PGPEP1L: variants seen among roughly 807,000 people sequenced by gnomAD.
PGPEP1L encodes pyroglutamyl-peptidase I like.
Under a neutral mutation model 6.0 loss-of-function variants are expected in PGPEP1L, and 7 were observed. The ratio of observed to expected loss-of-function variants is 1.17; its 90% CI spans 0.66 to 2.19. The LOEUF is 2.19. Among genes scored for constraint, PGPEP1L ranks in the 30% most tolerant of loss-of-function variants. The probability of loss-of-function intolerance (pLI) is 0.00; values close to 1 mark genes in which losing one functional copy is unlikely to be tolerated. For synonymous variants in PGPEP1L, 103 were observed against 83.9 expected, an observed-to-expected ratio of 1.23 and a Z score of -1.24; for missense variants, 209 against 192.5, an observed-to-expected ratio of 1.09 and a Z score of -0.51.
intron 2 of PGPEP1L, among the ~76,000 whole-genome samples, chr15:99,003,566 C>T (rs1411657336): frequency 6.6e-6 from 1 of 152,108 alleles, no homozygotes; most frequent in African/African-American, 2.4e-5. Flanking sequence ...TGTCGGAGCC[C>T]TCGTTCTCCC....
At chr15:98,984,018 T>C (rs1465859802) in intron 2 of PGPEP1L, among the ~76,000 whole-genome samples, 2 of 140,466 alleles carry the variant, frequency 1.4e-5, no homozygotes, top group Non-Finnish European at 3.0e-5. Flanking sequence ...TCTTTTTTTT[T>C]TTTTTTTTTT....
intron 2 of PGPEP1L, among the ~76,000 whole-genome samples, chr15:98,982,700 C>CTTTTTTTTTT (rs369749842): frequency 0.014 from 718 of 52,460 alleles, 130 homozygotes; most frequent in Non-Finnish European, 0.024. Context: ...TTATCTGAGG[C>CTTTTTTTTTT]TTTTTTTTTT....
chr15:98,972,872 CAAAAAAAAAAAAAAA>C (rs58126997), intron 2 of PGPEP1L, among the ~76,000 whole-genome samples: 3 of 45,654 alleles, frequency 6.6e-5, no homozygotes, highest in East Asian at 8.2e-4. Context: ...GACTCCGTCT[CAAAAAAAAAAAAAAA>C]AAAAAAAAAA....
intron 2 of PGPEP1L, among the ~76,000 whole-genome samples, chr15:98,994,883 C>G (rs560548191): frequency 2.5e-4 from 38 of 152,338 alleles, no homozygotes; most frequent in South Asian, 2.5e-3. Context: ...ATATATTACT[C>G]TATGTATTCT....
chr15:98,972,393 A>AATAAATAAATAG (rs1567234522), intron 2 of PGPEP1L, among the ~76,000 whole-genome samples: 1 of 151,328 alleles, frequency 6.6e-6, no homozygotes, highest in Non-Finnish European at 1.5e-5. Flanking sequence ...TAAATAAATA[A>AATAAATAAATAG]ATAGCATGGA....
chr15:98,974,669 G>T (rs978325821), intron 2 of PGPEP1L, among the ~76,000 whole-genome samples: 2 of 152,184 alleles, frequency 1.3e-5, no homozygotes, highest in Non-Finnish European at 2.9e-5. Context: ...GGCCAAGGCG[G>T]GTGGATCACC....
At position 98,969,502 on chromosome 15, in the gene PGPEP1L, T is replaced by C; in HGVS notation, c.132A>G (p.Ser44=). Reference sequence around the variant, plus strand: ...TGCAGACTGCCTTCATGCAGACCCCTGACTCCAGCACGTCTGGGCTGCCAG... The same window carrying C: ...TGCAGACTGCCTTCATGCAGACCCCCGACTCCAGCACGTCTGGGCTGCCAG... ...CLPGSPDVLE[S]GVCMKAVCKR... Residue 44 remains serine, a synonymous_variant, in exon 4 of 5, where the codon TCA becomes TCG. Coordinates refer to ENST00000535714, the MANE Select transcript of PGPEP1L (RefSeq NM_001167902.2). 6.2e-6 allele frequency: 10 copies of C among 1,614,012 alleles called. No homozygotes were observed. The East Asian group carries it at 6.7e-5, about 11-fold the overall frequency.
chr15:98,987,244 T>C (rs1176690670), intron 2 of PGPEP1L, among the ~76,000 whole-genome samples: 1 of 151,610 alleles, frequency 6.6e-6, no homozygotes, highest in African/African-American at 2.4e-5. Context: ...GTTATTTCTT[T>C]GGCCTTCCTC....
chr15:98,970,965 G>T, intron 3 of PGPEP1L, 71 bp downstream of exon 3: 1 of 1,591,464 alleles, frequency 6.3e-7, no homozygotes, highest in South Asian at 1.2e-5. Flanking sequence ...CTAGAACCAG[G>T]ACCCGGGGGT....
At chr15:98,970,776 C>A (rs2017482192) in intron 3 of PGPEP1L, among the ~76,000 whole-genome samples, 1 of 152,186 alleles carries the variant, frequency 6.6e-6, no homozygotes, top group Admixed American at 6.5e-5. Flanking sequence ...ATTTTTGAGT[C>A]CTGGCTGGGA....
chr15:98,981,347 G>A (rs1479575706), intron 2 of PGPEP1L, among the ~76,000 whole-genome samples: 1 of 151,806 alleles, frequency 6.6e-6, no homozygotes, highest in Non-Finnish European at 1.5e-5. Flanking sequence ...AAAGTTAGCC[G>A]GGCGTGCTGG....
At chr15:99,005,092 G>C (rs547480258) in intron 2 of PGPEP1L, among the ~76,000 whole-genome samples, 12 of 152,202 alleles carry the variant, frequency 7.9e-5, no homozygotes, top group Non-Finnish European at 1.6e-4. Flanking sequence ...ACGTGCCTCG[G>C]GCCCCACTCA....
At chr15:99,004,727 TAATA>T (rs1318083678) in intron 2 of PGPEP1L, among the ~76,000 whole-genome samples, 1 of 151,800 alleles carries the variant, frequency 6.6e-6, no homozygotes, top group Non-Finnish European at 1.5e-5. Context: ...AAAAAAAAAT[TAATA>T]AAAATAAAGA....
Position 99,007,474 on chromosome 15 carries a change from G to A in PGPEP1L, c.-485C>T, listed in dbSNP as rs2654977. On this transcript the variant is annotated 5_prime_UTR_variant, in exon 1 of 5. Transcript: ENST00000535714. ...AGTTTTTAAAGGCAGCGTGTCCCAA[G>A]TTTGTTTCTTCTGATGCTCGCATGT... The A allele has an allele frequency of 0.83, 126,837 of 152,152 alleles. 53,024 individuals are homozygous for A. The highest frequency in any genetic ancestry group is 0.94 in the East Asian group (4,836 of 5,172). The allele number at this position is 152,152 out of a possible 1,614,324, so 9.4% of individuals were successfully genotyped here.
At chr15:98,974,085 A>C (rs2017534526) in intron 2 of PGPEP1L, among the ~76,000 whole-genome samples, 1 of 152,224 alleles carries the variant, frequency 6.6e-6, no homozygotes, top group African/African-American at 2.4e-5. Flanking sequence ...AAATTGGAAA[A>C]TATAGAAGAA....
chr15:98,968,994 C>G (rs1163200666), intron 4 of PGPEP1L, among the ~76,000 whole-genome samples: 1 of 152,222 alleles, frequency 6.6e-6, no homozygotes, highest in Middle Eastern at 3.4e-3. Context: ...GAGTCACTTA[C>G]TCATTCATTC....
rs181616360 is a variant in PGPEP1L at position 99,006,937 on chromosome 15, C to T, written c.-370+422G>A. On this transcript the variant is annotated intron_variant, in intron 1 of 4. Transcript: ENST00000535714. ...CTCCCTTCAGGGAAGCAGGCAGAGC[C>T]TCTCAAGCACCCTGCGGCCTCTAGA... 2.4e-3 allele frequency among the ~76,000 whole-genome samples: 359 copies of T among 152,308 alleles called. 1 individual carries two copies. Among genetic ancestry groups the T allele is most frequent in the Non-Finnish European group, 4.5e-3 (303 of 68,026 alleles).
intron 2 of PGPEP1L, among the ~76,000 whole-genome samples, chr15:99,004,600 C>G (rs1271614496): frequency 1.3e-5 from 2 of 152,158 alleles, no homozygotes; most frequent in Admixed American, 1.3e-4. Flanking sequence ...TACCTGTAGT[C>G]CCAGCTACTC....
At chr15:98,972,409 A>T (rs1440765444) in intron 2 of PGPEP1L, among the ~76,000 whole-genome samples, 3 of 151,324 alleles carry the variant, frequency 2.0e-5, no homozygotes, top group African/African-American at 7.3e-5. Flanking sequence ...ATGGAATAAA[A>T]ACATTCTACT....
Sources: allele counts gnomAD v4.1 joint callset (sites outside exome capture counted in the v4.1 genomes callset), GRCh38; gene constraint gnomAD v4.1.1; transcripts MANE v1.5; gene names NCBI Gene and HGNC (gene_info 2026-07-23, HGNC 2026-07-21).